SRGAP3: variants seen among roughly 807,000 people sequenced by gnomAD.
SRGAP3 encodes SLIT-ROBO Rho GTPase activating protein 3.
In SRGAP3, 39 loss-of-function variants were observed where a neutral mutation model predicts 121.1. The ratio of observed to expected loss-of-function variants is 0.32; its 90% CI spans 0.25 to 0.42. The LOEUF is 0.42. Among genes scored for constraint, SRGAP3 ranks in the 10% least tolerant of loss-of-function variants. The pLI is 1.00. For missense variants in SRGAP3, 1,213 were observed against 1,470.6 expected (o/e 0.82, Z 2.86); for synonymous variants, 601 against 570.0 (o/e 1.05, Z -0.77).
chr3:9,043,315 C>T (rs1945107675), intron 10 of SRGAP3, among the ~76,000 whole-genome samples: 1 of 152,070 alleles, frequency 6.6e-6, no homozygotes. Context: ...CCACACCGGG[C>T]TCAATTATCA....
At chr3:9,310,648 A>G (rs1343936249) in intron 3 of SRGAP3, among the ~76,000 whole-genome samples, 3 of 152,210 alleles carry the variant, frequency 2.0e-5, no homozygotes, top group Non-Finnish European at 4.4e-5. Flanking sequence ...CCTCAAGAAA[A>G]GAACCTGGAA....
At chr3:9,047,287 G>T in intron 10 of SRGAP3, 104 bp downstream of exon 10, 2 of 1,181,130 alleles carry the variant, frequency 1.7e-6, no homozygotes, top group Admixed American at 1.9e-5. Flanking sequence ...ATTCTGCCAG[G>T]TGCCTGCTGT....
At chr3:9,042,807 A>G (rs1945083777) in intron 10 of SRGAP3, among the ~76,000 whole-genome samples, 1 of 152,198 alleles carries the variant, frequency 6.6e-6, no homozygotes, top group Non-Finnish European at 1.5e-5. Flanking sequence ...GTAGTGAACA[A>G]GGAGTGTTGA....
chr3:9,130,695 C>T (rs991997592), intron 1 of SRGAP3, among the ~76,000 whole-genome samples: 1 of 152,232 alleles, frequency 6.6e-6, no homozygotes, highest in Non-Finnish European at 1.5e-5. Flanking sequence ...AAAACAAACA[C>T]AAAAGACACT....
At chr3:9,359,377 C>T (rs1382037512) in intron 1 of SRGAP3, among the ~76,000 whole-genome samples, 1 of 152,132 alleles carries the variant, frequency 6.6e-6, no homozygotes, top group Non-Finnish European at 1.5e-5. Context: ...CCTCATTATA[C>T]CAGGGAGCCA....
chr3:9,342,440 T>G (rs971713694), intron 1 of SRGAP3, among the ~76,000 whole-genome samples: 2 of 152,172 alleles, frequency 1.3e-5, no homozygotes, highest in Non-Finnish European at 2.9e-5. Context: ...TTGGTGGTAC[T>G]CTACATACAT....
At chr3:9,361,154 G>C (rs770592652) in intron 1 of SRGAP3, among the ~76,000 whole-genome samples, 1 of 152,144 alleles carries the variant, frequency 6.6e-6, no homozygotes, top group South Asian at 2.1e-4. Flanking sequence ...CTGGGCTGAA[G>C]TGCAGTGATG....
At chr3:9,032,114 C>T (rs1027037226) in intron 12 of SRGAP3, among the ~76,000 whole-genome samples, 20 of 152,162 alleles carry the variant, frequency 1.3e-4, no homozygotes, top group African/African-American at 3.9e-4. Flanking sequence ...TCCCAGACCA[C>T]CTAACAGGAA....
chr3:9,014,095 C>T lies in SRGAP3; in HGVS notation c.1814-253G>A. 5 of 538,664 alleles carry T rather than the reference C, an allele frequency of 9.3e-6. No homozygotes were observed. The South Asian group carries it at 9.7e-5, about 10-fold the overall frequency. The allele number at this position is 538,664 out of a possible 1,614,324, so 33.4% of individuals were successfully genotyped here. ...TCTCCGGACTTGGTTGTGAGAAACCCACAGGGAGATGCCCTCTTGGACCTG... is the reference window on the plus strand; with the variant it reads ...TCTCCGGACTTGGTTGTGAGAAACCTACAGGGAGATGCCCTCTTGGACCTG... On this transcript the variant is annotated intron_variant, in intron 15 of 21. Coordinates refer to ENST00000383836, the MANE Select transcript of SRGAP3 (RefSeq NM_014850.4).
chr3:9,027,294 A>C (rs1458016469), intron 12 of SRGAP3, among the ~76,000 whole-genome samples: 1 of 152,154 alleles, frequency 6.6e-6, no homozygotes, highest in Non-Finnish European at 1.5e-5. Context: ...TGGAGAGGGA[A>C]CCACCTCGGG....
chr3:9,102,939 G>C (rs558207345), intron 3 of SRGAP3, among the ~76,000 whole-genome samples: 1 of 152,312 alleles, frequency 6.6e-6, no homozygotes, highest in South Asian at 2.1e-4. Context: ...GCAGGCGGGG[G>C]CTGGGAATGG....
At chr3:9,349,830 T>C (rs994271233) in intron 1 of SRGAP3, 1 of 152,242 alleles carries the variant, frequency 6.6e-6, no homozygotes, top group South Asian at 2.1e-4. Flanking sequence ...CATACCAACA[T>C]GGAATAAGCT....
chr3:9,102,437 C>A (rs369768248), intron 3 of SRGAP3, among the ~76,000 whole-genome samples: 1 of 152,194 alleles, frequency 6.6e-6, no homozygotes, highest in African/African-American at 2.4e-5. Context: ...TCCTTGCAGC[C>A]TCCCAACGCT....
At chr3:9,088,966 A>G (rs1374120008) in intron 3 of SRGAP3, among the ~76,000 whole-genome samples, 1 of 151,992 alleles carries the variant, frequency 6.6e-6, no homozygotes, top group African/African-American at 2.4e-5. Flanking sequence ...ATTTTAGTTT[A>G]TGACCAGACA....
chr3:9,148,503 G>C (rs763730529), intron 1 of SRGAP3, among the ~76,000 whole-genome samples: 2 of 152,222 alleles, frequency 1.3e-5, no homozygotes, highest in Non-Finnish European at 2.9e-5. Context: ...AGCCAGACTT[G>C]TCAAATAGCT....
At chr3:9,270,691 G>C (rs1003023562) in intron 3 of SRGAP3, among the ~76,000 whole-genome samples, 9 of 152,150 alleles carry the variant, frequency 5.9e-5, no homozygotes, top group African/African-American at 1.7e-4. Flanking sequence ...AAATTGATGA[G>C]TACAGATGGA....
rs528108001 is a variant in SRGAP3 at position 9,030,248 on chromosome 3, C to T, written c.1539+2402G>A. Among the ~76,000 whole-genome samples, 3 of 152,270 alleles carry T rather than the reference C, an allele frequency of 2.0e-5. No individual in the cohort carries two copies. The South Asian group carries it at 6.2e-4, about 32-fold the overall frequency. On this transcript the variant is annotated intron_variant, in intron 12 of 21. Coordinates refer to ENST00000383836, the MANE Select transcript of SRGAP3 (RefSeq NM_014850.4). ...CCCAGTCAAATGAGTATTATTCCTC[C>T]AACTTTTCCCCTTAGGAGGTGATGC...
In SRGAP3 at chr3:9,060,285, G is replaced by A. The variant is rs983897354; in HGVS notation, c.747C>T (p.Ala249=). 3 of 1,614,192 alleles carry A rather than the reference G, an allele frequency of 1.9e-6. No individual in the cohort carries two copies. In the South Asian group the frequency reaches 3.3e-5, roughly 18 times the overall value. ...AGTATTTGCTTATAGCTGCGTTGGT[G>A]GCTGCCAGATTGAGCAAGTAGTCAT... is the stretch of plus-strand genomic sequence containing the variant. ...ARNDYLLNLA[A]TNAAISKYYI... is the part of the protein sequence containing the mutation. Residue 249 remains alanine, a synonymous_variant, in exon 6 of 22, where the codon GCC becomes GCT. Coordinates refer to ENST00000383836, the MANE Select transcript of SRGAP3 (RefSeq NM_014850.4).
intron 3 of SRGAP3, among the ~76,000 whole-genome samples, chr3:9,318,255 T>C (rs1167718788): frequency 2.6e-5 from 4 of 151,860 alleles, no homozygotes; most frequent in African/African-American, 7.2e-5. Context: ...ACCACCGACA[T>C]GTCCCTCACC....
Sources: gnomAD v4.1 joint callset for allele counts (sites outside exome capture counted in the v4.1 genomes callset) on GRCh38, gnomAD v4.1.1 for gene constraint, MANE v1.5 for transcripts, NCBI Gene and HGNC (gene_info 2026-07-23, HGNC 2026-07-21) for gene names.